FAT1: variants seen among roughly 807,000 people sequenced by gnomAD.
FAT1 encodes the protein protocadherin Fat 1.
A neutral mutation model predicts 329.8 loss-of-function variants in FAT1; 171 were observed. The observed-to-expected ratio is 0.52, with a 90% confidence interval of 0.46 to 0.59. The LOEUF is 0.59. Among genes scored for constraint, FAT1 ranks in the 20% least tolerant of loss-of-function variants. The pLI is 0.00. For synonymous variants in FAT1, 2,233 were observed against 2,228.6 expected, an observed-to-expected ratio of 1.00 and a Z score of -0.06; for missense variants, 5,672 against 5,774.4, an observed-to-expected ratio of 0.98 and a Z score of 0.57.
chr4:186,704,713 A>C (rs1409656000), intron 2 of FAT1, among the ~76,000 whole-genome samples: 1 of 152,228 alleles, frequency 6.6e-6, no homozygotes, highest in Non-Finnish European at 1.5e-5. Flanking sequence ...ATTCTAACTT[A>C]TACTGGACAG....
Position 186,614,241 on chromosome 4 carries a change from T to C in FAT1, c.9179A>G (p.Tyr3060Cys), listed in dbSNP as rs2126478728. Reference sequence around the variant, plus strand: ...TTCTGCACCTGAACCCAATAACGTGTAAGTAATTTCAGCGTTAGAGCGGAT... The same window carrying C: ...TTCTGCACCTGAACCCAATAACGTGCAAGTAATTTCAGCGTTAGAGCGGAT... ...ADIRSNAEIT[Y>C]TLLGSGAEKF... The change falls in exon 12 of 27, where the codon TAC becomes TGC. Residue 3060 changes from tyrosine to cysteine, a missense_variant. Physicochemically the swap from Tyr to Cys is radical, Grantham distance 194 (BLOSUM62 -2). Around this residue, in one of 2 missense-constraint regions of FAT1, gnomAD observed 3,966 missense variants for 3,915.2 expected, o/e 1.01. Transcript: ENST00000441802. The C allele has an allele frequency of 6.2e-7, 1 of 1,602,142 alleles. No individual in the cohort carries two copies. Among genetic ancestry groups the C allele is most frequent in the Non-Finnish European group, 8.5e-7 (1 of 1,176,394 alleles).
chr4:186,602,732 T>C (rs531560591), intron 20 of FAT1, among the ~76,000 whole-genome samples, 171 bp downstream of exon 20: 113 of 152,318 alleles, frequency 7.4e-4, no homozygotes, highest in African/African-American at 2.5e-3. Context: ...GGGTGTGCTG[T>C]AACAAGAGGA....
chr4:186,663,996 A>C (rs989780965), intron 2 of FAT1, among the ~76,000 whole-genome samples: 1 of 152,150 alleles, frequency 6.6e-6, no homozygotes, highest in African/African-American at 2.4e-5. Context: ...GGTAAAGTTT[A>C]TAGTTGGTTG....
intron 20 of FAT1, 123 bp downstream of exon 20, chr4:186,602,780 C>T: frequency 9.3e-7 from 1 of 1,079,836 alleles, no homozygotes; most frequent in East Asian, 2.6e-5. Context: ...TTCATCTCCA[C>T]ATCTGTCTTC....
chr4:186,605,518 A>AGGGGAGGGGGGAGGAGGAAGAGAAGGAG (rs1739080822), intron 17 of FAT1, among the ~76,000 whole-genome samples: 4 of 83,036 alleles, frequency 4.8e-5, no homozygotes, highest in Admixed American at 1.7e-4. Context: ...AGGAGTGGGG[A>AGGGGAGGGGGGAGGAGGAAGAGAAGGAG]GGGGAGTGGG....
intron 16 of FAT1, among the ~76,000 whole-genome samples, chr4:186,606,440 C>T (rs1277075617): frequency 1.3e-5 from 2 of 152,152 alleles, no homozygotes; most frequent in Non-Finnish European, 2.9e-5. Context: ...TCTGATGCCT[C>T]TTAAATATGT....
intron 2 of FAT1, among the ~76,000 whole-genome samples, chr4:186,698,820 T>C (rs1006396883): frequency 2.0e-5 from 3 of 152,168 alleles, no homozygotes; most frequent in Non-Finnish European, 4.4e-5. Context: ...GAGGATTCCG[T>C]GACAGATGAA....
intron 6 of FAT1, among the ~76,000 whole-genome samples, chr4:186,634,656 T>TA (rs143541115): frequency 0.012 from 1,744 of 150,874 alleles, 35 homozygotes; most frequent in African/African-American, 0.04. Context: ...AATAAAAAAG[T>TA]AAAAAAAAAC....
At chr4:186,701,090 T>C (rs1744288752) in intron 2 of FAT1, among the ~76,000 whole-genome samples, 2 of 152,230 alleles carry the variant, frequency 1.3e-5, no homozygotes, top group East Asian at 3.8e-4. Flanking sequence ...CTAGACTTGT[T>C]CAGTCAGTAA....
chr4:186,651,108 T>C (rs1012200156), intron 3 of FAT1, among the ~76,000 whole-genome samples: 1 of 148,296 alleles, frequency 6.7e-6, no homozygotes, highest in Non-Finnish European at 1.5e-5. Context: ...TTATTATTCA[T>C]AAATTAATAA....
In FAT1 at chr4:186,620,520, T is replaced by A. The variant is rs1436285485; in HGVS notation, c.6066A>T (p.Arg2022Ser). The change falls in exon 10 of 27, where the codon AGA becomes AGT. Residue 2022 changes from arginine to serine, a missense_variant. By Grantham distance (110) the Arg-to-Ser change is moderately radical. Around this residue, in one of 2 missense-constraint regions of FAT1, gnomAD observed 3,966 missense variants for 3,915.2 expected, o/e 1.01. Transcript: ENST00000441802. ...CTCCTGAAGTGCGGCTTATTTTAAA[T>A]CTGCGATCTGGGTTGAGGATGTGAT... ...LFYHILNPDRRFKISRTSGVL... is the reference protein window; with the variant it reads ...LFYHILNPDRSFKISRTSGVL... The A allele has an allele frequency of 1.7e-5, 27 of 1,614,004 alleles. No individual in the cohort carries two copies. Among genetic ancestry groups the A allele is most frequent in the Non-Finnish European group, 2.3e-5 (27 of 1,179,892 alleles).
intron 3 of FAT1, among the ~76,000 whole-genome samples, chr4:186,641,753 T>C (rs1741106107): frequency 6.6e-6 from 1 of 152,138 alleles, no homozygotes; most frequent in South Asian, 2.1e-4. Context: ...ACACCTGTAA[T>C]CCCAGCACTT....
chr4:186,628,109 T>G (rs1171329485), intron 9 of FAT1, 45 bp downstream of exon 9: 1 of 1,581,478 alleles, frequency 6.3e-7, no homozygotes, highest in Admixed American at 1.8e-5. Flanking sequence ...AAACAGACTT[T>G]TAACAACTGC....
At chr4:186,695,508 T>A (rs974177084) in intron 2 of FAT1, among the ~76,000 whole-genome samples, 14 of 152,316 alleles carry the variant, frequency 9.2e-5, no homozygotes, top group African/African-American at 3.4e-4. Context: ...AAGGACAAAT[T>A]TAAAAGGGCT....
chr4:186,617,149 C>T lies in FAT1; in HGVS notation c.8931G>A (p.Lys2977=). 4 of 1,613,526 alleles carry T rather than the reference C, an allele frequency of 2.5e-6. No individual in the cohort carries two copies. The highest frequency in any genetic ancestry group is 1.1e-5 in the South Asian group (1 of 91,034). ...TGTCTAGAGGTTTCTTCACATATAC[C>T]TTCCATTCATTCTGTATAGTTTCAA... The part of the protein sequence containing the change: ...FAVETIQNEW[K]VYVKKPLDRE... Residue 2977 remains lysine (K), a synonymous_variant, in exon 11 of 27, where the codon AAG becomes AAA. Coordinates refer to ENST00000441802, the MANE Select transcript of FAT1 (RefSeq NM_005245.4).
chr4:186,616,918 T>C, intron 11 of FAT1, 87 bp downstream of exon 11: 1 of 1,210,738 alleles, frequency 8.3e-7, no homozygotes, highest in Non-Finnish European at 1.2e-6. Context: ...ACATGTGAAT[T>C]ACACCACAGC....
intron 2 of FAT1, among the ~76,000 whole-genome samples, chr4:186,698,969 C>T (rs1232408475): frequency 3.3e-5 from 5 of 152,326 alleles, no homozygotes; most frequent in Admixed American, 1.3e-4. Flanking sequence ...ACTAAGTCGA[C>T]GTGCATCATA....
At chr4:186,607,609 G>C (rs957353905) in intron 16 of FAT1, among the ~76,000 whole-genome samples, 3 of 151,886 alleles carry the variant, frequency 2.0e-5, no homozygotes, top group African/African-American at 7.3e-5. Context: ...TGGGTGGGGT[G>C]GATGGATGGG....
At chr4:186,690,558 G>A (rs1428569619) in intron 2 of FAT1, among the ~76,000 whole-genome samples, 2 of 152,094 alleles carry the variant, frequency 1.3e-5, no homozygotes, top group Non-Finnish European at 2.9e-5. Context: ...TTAGCTAGGT[G>A]TGGTGGCTCA....
Sources: gnomAD v4.1 joint callset for allele counts (sites outside exome capture counted in the v4.1 genomes callset) on GRCh38, gnomAD v4.1.1 for gene constraint, gnomAD v4.1.1 regional missense constraint, MANE v1.5 for transcripts, NCBI Gene and HGNC (gene_info 2026-07-23, HGNC 2026-07-21) for gene names.